DRICH1: variants seen among roughly 807,000 people sequenced by gnomAD.
DRICH1 encodes the protein aspartate-rich protein 1.
A neutral mutation model predicts 39.5 loss-of-function variants in DRICH1; 38 were observed. That is an observed-to-expected ratio of 0.96 (90% confidence interval 0.74 to 1.26). DRICH1 has a LOEUF of 1.26. Ranked by LOEUF, DRICH1 falls within the 50% of genes most tolerant of loss-of-function variation. DRICH1 has a pLI of 0.00. For synonymous variants in DRICH1, 84 were observed against 99.5 expected (o/e 0.84, Z 0.93); for missense variants, 279 against 270.4 (o/e 1.03, Z -0.22).
the DRICH1 span, among the ~76,000 whole-genome samples, chr22:23,601,758 G>A: frequency 4.0e-3 from 610 of 150,946 alleles, no homozygotes; most frequent in African/African-American, 0.014. Context: ...ATGAGAAGCT[G>A]CAATTATCTC....
intron 3 of DRICH1, among the ~76,000 whole-genome samples, chr22:23,623,065 T>C (rs1927858012): frequency 6.6e-6 from 1 of 152,176 alleles, no homozygotes; most frequent in Non-Finnish European, 1.5e-5. Flanking sequence ...CTTACATAAA[T>C]TTTTTTTGTT....
the DRICH1 span, among the ~76,000 whole-genome samples, chr22:23,600,736 G>A: frequency 2.0e-5 from 3 of 150,306 alleles, no homozygotes; most frequent in Admixed American, 6.6e-5. Context: ...GCAGTGGTGC[G>A]ATCTCGGCCC....
intron 3 of DRICH1, among the ~76,000 whole-genome samples, chr22:23,622,798 T>C (rs1289870493): frequency 2.0e-5 from 3 of 152,162 alleles, no homozygotes; most frequent in Non-Finnish European, 4.4e-5. Flanking sequence ...ATCAAGGGCT[T>C]CATCAGCTCT....
chr22:23,613,138 T>C, intron 11 of DRICH1, 151 bp downstream of exon 11: 1 of 670,872 alleles, frequency 1.5e-6, no homozygotes, highest in Non-Finnish European at 2.7e-6. Flanking sequence ...CAAGAAACTC[T>C]GAAAACAACA....
chr22:23,621,034 C>A (rs1927695028), intron 4 of DRICH1, among the ~76,000 whole-genome samples: 1 of 152,142 alleles, frequency 6.6e-6, no homozygotes, highest in Admixed American at 6.5e-5. Context: ...TATAATGCGC[C>A]TTGTCATATT....
Position 23,619,387 on chromosome 22 carries a change from C to T in DRICH1, c.413G>A (p.Cys138Tyr), listed in dbSNP as rs778840019. ...ACAAGAACTGCTATCAAACCGGTAA[C>T]AGCCACCTGCGGAGAAATGGAAAAG... ...QILPSRVQGG[C>Y]YRFDSSSCSS... The change falls in exon 6 of 12, where the codon TGT (cysteine) becomes TAT (tyrosine). Residue 138 changes from cysteine to tyrosine, a missense_variant. By Grantham distance (194) the Cys-to-Tyr change is radical (BLOSUM62 -2). Coordinates refer to ENST00000317749, the MANE Select transcript of DRICH1 (RefSeq NM_016449.4). 6.4e-6 allele frequency: 5 copies of T among 780,614 alleles called. No homozygotes were observed. The highest frequency in any genetic ancestry group is 4.9e-5 in the East Asian group (2 of 41,210). The allele number at this position is 780,614 out of a possible 1,614,324, so 48.4% of individuals were successfully genotyped here.
the DRICH1 span, among the ~76,000 whole-genome samples, chr22:23,584,555 C>T: frequency 1.3e-5 from 2 of 152,184 alleles, no homozygotes; most frequent in African/African-American, 2.4e-5. Flanking sequence ...GAAGTGATCT[C>T]TGTTATTTTG....
chr22:23,585,347 C>T, the DRICH1 span, among the ~76,000 whole-genome samples: 12 of 152,214 alleles, frequency 7.9e-5, no homozygotes, highest in Admixed American at 5.9e-4. Flanking sequence ...CTATGTTGCT[C>T]AGGCTGGTCT....
chr22:23,607,292 C>A (rs1017213260), downstream of DRICH1: 4 of 152,346 alleles, frequency 2.6e-5, no homozygotes, highest in Non-Finnish European at 4.4e-5. Flanking sequence ...ATTTAGACAA[C>A]CCTCCAGGGA....
the DRICH1 span, among the ~76,000 whole-genome samples, chr22:23,601,146 G>GCACACACACA: frequency 9.9e-4 from 145 of 146,208 alleles, no homozygotes; most frequent in African/African-American, 3.4e-3. Context: ...ACGCACGCGC[G>GCACACACACA]CACACACACA....
downstream of DRICH1, among the ~76,000 whole-genome samples, chr22:23,605,957 C>T (rs562412698): frequency 6.6e-6 from 1 of 151,796 alleles, no homozygotes; most frequent in African/African-American, 2.4e-5. Context: ...ACCTGTGAGC[C>T]CAGCTACTTG....
intron 5 of DRICH1, 125 bp downstream of exon 5, chr22:23,620,469 C>T (rs1227521697): frequency 4.5e-6 from 5 of 1,100,612 alleles, no homozygotes; most frequent in Non-Finnish European, 5.6e-6. Context: ...CATAGTTATA[C>T]ACTTGCAGAA....
At chr22:23,603,240 C>T in the DRICH1 span, among the ~76,000 whole-genome samples, 477 of 151,952 alleles carry the variant, frequency 3.1e-3, 2 homozygotes, top group African/African-American at 0.011. Flanking sequence ...ATACATGTTT[C>T]TGAAATCCAG....
chr22:23,582,094 C>T, the DRICH1 span, among the ~76,000 whole-genome samples: 73 of 151,022 alleles, frequency 4.8e-4, no homozygotes, highest in South Asian at 2.1e-3. Flanking sequence ...ATTCTCCTGT[C>T]TCAGCCTCCT....
At chr22:23,617,405 G>A (rs1927423268) in intron 7 of DRICH1, among the ~76,000 whole-genome samples, 170 bp downstream of exon 7, 1 of 152,172 alleles carries the variant, frequency 6.6e-6, no homozygotes, top group African/African-American at 2.4e-5. Context: ...GGATATGCTA[G>A]GCTCCTGCTT....
At chr22:23,611,720 C>T (rs560102404) in intron 11 of DRICH1, among the ~76,000 whole-genome samples, 1 of 152,058 alleles carries the variant, frequency 6.6e-6, no homozygotes, top group Non-Finnish European at 1.5e-5. Context: ...TGACAGTGGT[C>T]CCATAAGATT....
upstream of DRICH1, chr22:23,632,346 C>T (rs1171534576): frequency 1.4e-5 from 5 of 361,032 alleles, no homozygotes; most frequent in Non-Finnish European, 2.6e-5. Context: ...CTGGCTGATG[C>T]TTATAACCCA....
At chr22:23,630,678 C>G (rs1347882737) in intron 1 of DRICH1, 2 of 152,190 alleles carry the variant, frequency 1.3e-5, no homozygotes, top group Non-Finnish European at 2.9e-5. Context: ...CACATTAATT[C>G]ACCCCTGGCT....
At chr22:23,598,646 G>T in the DRICH1 span, among the ~76,000 whole-genome samples, 1 of 152,214 alleles carries the variant, frequency 6.6e-6, no homozygotes, top group Non-Finnish European at 1.5e-5. Context: ...TCAGGGGAGG[G>T]GTGGCCATCG....
Sources: gnomAD v4.1 joint callset for allele counts (sites outside exome capture counted in the v4.1 genomes callset) on GRCh38, gnomAD v4.1.1 for gene constraint, MANE v1.5 for transcripts, NCBI Gene and HGNC (gene_info 2026-07-23, HGNC 2026-07-21) for gene names.